Variants in GUCY2D observed in about 807,000 individuals in gnomAD.
GUCY2D encodes guanylate cyclase 2D, retinal.
A neutral mutation model predicts 101.3 loss-of-function variants in GUCY2D; 70 were observed. The observed-to-expected ratio is 0.69, with a 90% confidence interval of 0.57 to 0.84. The LOEUF (loss-of-function observed/expected upper bound fraction) is 0.84, where lower values mean the gene tolerates loss of function less well. Ranked by LOEUF, GUCY2D falls within the 40% of genes least tolerant of loss-of-function variation. The pLI, the probability that GUCY2D is intolerant of heterozygous loss-of-function variation, is 0.00. For synonymous variants in GUCY2D, 688 were observed against 670.7 expected (o/e 1.03, Z -0.40); for missense variants, 1,460 against 1,542.5 (o/e 0.95, Z 0.90).
Position 8,006,376 on chromosome 17 carries a change from T to G in GUCY2D, c.1040T>G (p.Phe347Cys). Residue 347 changes from phenylalanine to cysteine, a missense_variant, in exon 4 of 20, where the codon TTT becomes TGT. Around this residue, in one of 3 missense-constraint regions of GUCY2D, gnomAD observed 1,196 missense variants for 1,229.6 expected, o/e 0.97. Transcript: ENST00000254854. ...CTCCTTCTCCAGGTCTCCCCACTCTTTGGCACCATCTATGACGCGGTCTTC... is the reference window on the plus strand; with the variant it reads ...CTCCTTCTCCAGGTCTCCCCACTCTGTGGCACCATCTATGACGCGGTCTTC... ...DLNLQQVSPL[F>C]GTIYDAVFLL... 1.2e-6 allele frequency: 2 copies of G among 1,600,388 alleles called. No homozygotes were observed. Among genetic ancestry groups the G allele is most frequent in the Non-Finnish European group, 1.7e-6 (2 of 1,179,916 alleles).
At chr17:8,007,257 G>C in intron 5 of GUCY2D, 113 bp downstream of exon 5, 1 of 970,810 alleles carries the variant, frequency 1.0e-6, no homozygotes, top group Non-Finnish European at 1.7e-6. Flanking sequence ...TTTTCTTGGG[G>C]TGAGGGTGTT....
At chr17:8,006,163 G>A (rs994540018) in intron 3 of GUCY2D, among the ~76,000 whole-genome samples, 200 bp from the exon 4 acceptor site, 1 of 151,992 alleles carries the variant, frequency 6.6e-6, no homozygotes, top group Non-Finnish European at 1.5e-5. Context: ...CCAGTGGGGA[G>A]GGAGGAAGAG....
chr17:8,013,335 G>A lies in GUCY2D; in HGVS notation c.2263+83G>A. On this transcript the variant is annotated intron_variant, in intron 11 of 19. Transcript: ENST00000254854. The surrounding 1 kb of genome is among the most constrained non-coding windows in gnomAD (Gnocchi z 5.0). ...AGCCAGCCTCACTCTTTCCTCTAAA[G>A]CAAAGCCCAGTGATGAAACTCAATT... 10 of 1,377,592 alleles carry A rather than the reference G, an allele frequency of 7.3e-6. No individual in the cohort carries two copies. Among genetic ancestry groups the A allele is most frequent in the Non-Finnish European group, 1.0e-5 (10 of 980,336 alleles). 85.3% of individuals were successfully genotyped at this position (1,377,592 alleles called of 1,614,324 possible).
chr17:8,005,088 G>A lies in GUCY2D; in HGVS notation c.1026+932G>A, dbSNP rs566728183. Among the ~76,000 whole-genome samples the A allele has an allele frequency of 1.4e-4, 21 of 152,266 alleles. No individual in the cohort carries two copies. The East Asian group carries it at 2.1e-3, about 15-fold the overall frequency. On this transcript the variant is annotated intron_variant, in intron 3 of 19. Transcript: ENST00000254854. ...CAGTCCTCTCCACTGCCCAAACTGC[G>A]CAAGCCTCTGAGCGTGTGAGTCACC... is the stretch of plus-strand genomic sequence containing the variant.
chr17:8,016,387 C>T, intron 18 of GUCY2D, 56 bp from the exon 19 acceptor site: 2 of 1,419,378 alleles, frequency 1.4e-6, no homozygotes, highest in Non-Finnish European at 1.9e-6. Flanking sequence ...ATGACGTGGG[C>T]CCTGCCCTCC....
chr17:8,014,017 AC>A lies in GUCY2D; in HGVS notation c.2403del (p.Phe802SerfsTer33). The stretch of plus-strand genomic sequence containing the variant: ...GGAACTTCGGCCCTCCATGGACCAC[AC>A]CTTCGACCTGGTCAGGGGCTGGGAG... ...QPELRPSMDHTFDLFKNINKG... is the reference protein window; with the variant it reads ...QPELRPSMDHXFDLFKNINKG... On this transcript the variant is annotated frameshift_variant, in exon 12 of 20. Transcript: ENST00000254854. LOFTEE classifies it high-confidence loss of function. The surrounding 1 kb of genome is among the most constrained non-coding windows in gnomAD (Gnocchi z 4.0). 1 of 1,613,132 alleles carries A rather than the reference AC, an allele frequency of 6.2e-7. No homozygotes were observed. The highest frequency in any genetic ancestry group is 8.5e-7 in the Non-Finnish European group (1 of 1,179,918).
Position 8,015,826 on chromosome 17 carries a change from G to T in GUCY2D, c.3028G>T (p.Glu1010Ter). ...GDTVNTASRM[E>*]STGLPYRIHV... ...CACGGTCAACACCGCCTCGCGCATG[G>T]AGTCCACCGGGCTGCGTGAGTGTGA... Residue 1010 changes from glutamate (E) to a stop codon, truncating the protein, a stop_gained, in exon 16 of 20, where the codon GAG becomes TAG. Transcript: ENST00000254854. LOFTEE classifies it high-confidence loss of function. 1 of 1,612,318 alleles carries T rather than the reference G, an allele frequency of 6.2e-7. No homozygotes were observed. The highest frequency in any genetic ancestry group is 8.5e-7 in the Non-Finnish European group (1 of 1,179,292).
intron 14 of GUCY2D, 50 bp from the exon 15 acceptor site, chr17:8,015,278 C>G (rs767771897): frequency 8.4e-6 from 13 of 1,548,562 alleles, no homozygotes; most frequent in Non-Finnish European, 9.7e-6. Context: ...GCTTCGTGTA[C>G]TCGGGGGGAA....
At position 8,014,821 on chromosome 17, in the gene GUCY2D, A is replaced by T; in HGVS notation, c.2577-38A>T. 6.2e-7 allele frequency: 1 copy of T among 1,612,190 alleles called. No individual in the cohort carries two copies. Among genetic ancestry groups the T allele is most frequent in the South Asian group, 1.1e-5 (1 of 91,020 alleles). ...GGGCAGCTGGAGCCCAGCCAGGTAGAGTGGCCCCCAGGTGACCTCACTGCC... is the reference window on the plus strand; with the variant it reads ...GGGCAGCTGGAGCCCAGCCAGGTAGTGTGGCCCCCAGGTGACCTCACTGCC... On this transcript the variant is annotated intron_variant, in intron 13 of 19. Coordinates refer to ENST00000254854, the MANE Select transcript of GUCY2D (RefSeq NM_000180.4). The surrounding 1 kb of genome is among the most constrained non-coding windows in gnomAD (Gnocchi z 4.0).
rs1893310079 is a variant in GUCY2D, at chr17:8,003,057, T to G, written c.10T>G (p.Cys4Gly). The G allele has an allele frequency of 1.3e-6, 2 of 1,525,968 alleles. No individual in the cohort carries two copies. Among genetic ancestry groups the G allele is most frequent in the Admixed American group, 2.0e-5 (1 of 50,090 alleles). 94.5% of individuals were successfully genotyped at this position (1,525,968 alleles called of 1,614,324 possible). The change falls in exon 2 of 20, where the codon TGC becomes GGC. Residue 4 changes from cysteine (C) to glycine (G), a missense_variant. By Grantham distance (159) the Cys-to-Gly change is radical. Transcript: ENST00000254854. ...TTCGCAGAAGCCGGCAATGACCGCC[T>G]GCGCCCGCCGAGCGGGTGGGCTTCC... MTA[C>G]ARRAGGLPDP...
At chr17:8,015,897 C>T (rs1975961423) in intron 16 of GUCY2D, 30 bp from the exon 17 acceptor site, 1 of 1,597,164 alleles carries the variant, frequency 6.3e-7, no homozygotes, top group South Asian at 1.1e-5. Flanking sequence ...GAGGTGAGTC[C>T]CGAGCTCACG....
At position 8,012,264 on chromosome 17, in the gene GUCY2D, C is replaced by T. The variant is rs757230483; in HGVS notation, c.1870C>T (p.Arg624Trp). Residue 624 changes from arginine to tryptophan, a missense_variant, in exon 9 of 20, where the codon CGG becomes TGG. By Grantham distance (101) the Arg-to-Trp change is moderately radical. Coordinates refer to ENST00000254854, the MANE Select transcript of GUCY2D (RefSeq NM_000180.4). ...NLAVVSEHCTRGSLQDLLAQR... is the reference protein window; with the variant it reads ...NLAVVSEHCTWGSLQDLLAQR... ...GGCTGTGGTCTCAGAGCACTGCACGCGGGGCTCTCTTCAGGACCTCCTCGC... is the reference window on the plus strand; with the variant it reads ...GGCTGTGGTCTCAGAGCACTGCACGTGGGGCTCTCTTCAGGACCTCCTCGC... 22 of 1,613,744 alleles carry T rather than the reference C, an allele frequency of 1.4e-5. No homozygotes were observed. Among genetic ancestry groups the T allele is most frequent in the African/African-American group, 2.7e-5 (2 of 74,868 alleles).
At chr17:8,010,266 G>A (rs1975824143) in intron 8 of GUCY2D, among the ~76,000 whole-genome samples, 1 of 152,162 alleles carries the variant, frequency 6.6e-6, no homozygotes. Context: ...TTCCGGTTCT[G>A]TCAGGCCACT....
At chr17:8,016,677 C>T in intron 19 of GUCY2D, 123 bp downstream of exon 19, 1 of 605,528 alleles carries the variant, frequency 1.7e-6, no homozygotes. Context: ...TTCCTAAACC[C>T]CGGGGCTTCC....
intron 3 of GUCY2D, among the ~76,000 whole-genome samples, chr17:8,005,472 C>T (rs1975720075): frequency 1.3e-5 from 2 of 152,202 alleles, no homozygotes; most frequent in Admixed American, 1.3e-4. Context: ...TGAACTTCAG[C>T]CAGACCAAGC....
chr17:8,002,633 T>C lies in GUCY2D; in HGVS notation c.-111T>C, dbSNP rs1975645141. 2 of 197,226 alleles carry C rather than the reference T, an allele frequency of 1.0e-5. No homozygotes were observed. The highest frequency in any genetic ancestry group is 2.3e-5 in the African/African-American group (1 of 42,666). 12.2% of individuals were successfully genotyped at this position (197,226 alleles called of 1,614,324 possible). On this transcript the variant is annotated 5_prime_UTR_variant, in exon 1 of 20. Coordinates refer to ENST00000254854, the MANE Select transcript of GUCY2D (RefSeq NM_000180.4). The surrounding 1 kb of genome is among the most constrained non-coding windows in gnomAD (Gnocchi z 4.9). ...GCCGGCTGTACCCACGCCCCCGCCCTGGCCTGGGCTGGCAAGGAAGACCTG... is the reference window on the plus strand; with the variant it reads ...GCCGGCTGTACCCACGCCCCCGCCCCGGCCTGGGCTGGCAAGGAAGACCTG...
intron 19 of GUCY2D, 86 bp downstream of exon 19, chr17:8,016,640 C>G (rs1242735142): frequency 2.8e-6 from 2 of 706,682 alleles, no homozygotes; most frequent in Non-Finnish European, 4.9e-6. Context: ...GTCCCGATCC[C>G]TTTCTGACTT....
At chr17:8,020,052 A>C (rs1432208429) in intron 19 of GUCY2D, 76 bp from the exon 20 acceptor site, 11 of 150,042 alleles carry the variant, frequency 7.3e-5, no homozygotes, top group Admixed American at 6.6e-4. Flanking sequence ...ATCCCACGGC[A>C]GAGACTCTAC....
At chr17:8,015,685 C>A in intron 15 of GUCY2D, 58 bp from the exon 16 acceptor site, 1 of 1,362,000 alleles carries the variant, frequency 7.3e-7, no homozygotes, top group Non-Finnish European at 1.0e-6. Flanking sequence ...CGAGGCCCTA[C>A]CTAGGTGCAG....
Sources: gnomAD v4.1 joint callset for allele counts (sites outside exome capture counted in the v4.1 genomes callset) on GRCh38, gnomAD v4.1.1 for gene constraint, gnomAD v4.1.1 regional missense constraint, Gnocchi (gnomAD v3.1) non-coding constraint, MANE v1.5 for transcripts, NCBI Gene and HGNC (gene_info 2026-07-23, HGNC 2026-07-21) for gene names.